Variants in SYT14 observed in about 807,000 individuals in gnomAD.
SYT14 encodes synaptotagmin-14.
Under a neutral mutation model 74.2 loss-of-function variants are expected in SYT14, and 32 were observed. The ratio of observed to expected loss-of-function variants is 0.43; its 90% CI spans 0.33 to 0.58. The LOEUF (loss-of-function observed/expected upper bound fraction) is 0.58. Among genes scored for constraint, SYT14 ranks in the 20% least tolerant of loss-of-function variants. The pLI is 0.05. For synonymous variants in SYT14, 298 were observed against 337.7 expected (o/e 0.88, Z 1.29); for missense variants, 791 against 981.8 (o/e 0.81, Z 2.60).
chr1:210,162,080 A>T (rs765648410), exon 10 of SYT14: 3 of 438,806 alleles, frequency 6.8e-6, no homozygotes, highest in South Asian at 4.8e-5. Context: ...TCTTACTTCA[A>T]TTTATATTTG....
chr1:210,153,003 A>G (rs1333211153), intron 7 of SYT14, among the ~76,000 whole-genome samples: 1 of 152,180 alleles, frequency 6.6e-6, no homozygotes, highest in Non-Finnish European at 1.5e-5. Context: ...ATAGTATGCC[A>G]TTGTATGAAC....
intron 4 of SYT14, among the ~76,000 whole-genome samples, chr1:210,020,286 C>T (rs1282558151): frequency 2.0e-5 from 3 of 152,088 alleles, no homozygotes; most frequent in African/African-American, 7.2e-5. Context: ...ACAAAGCTCA[C>T]TGATGGACAT....
In SYT14 at chr1:210,100,246, C is replaced by T; in HGVS notation, c.1819C>T (p.Gln607Ter). 1 of 1,614,062 alleles carries T rather than the reference C, an allele frequency of 6.2e-7. No individual in the cohort carries two copies. Among genetic ancestry groups the T allele is most frequent in the Non-Finnish European group, 8.5e-7 (1 of 1,179,988 alleles). The change falls in exon 7 of 10, where the codon CAG (glutamine) becomes TAG (stop). Residue 607 changes from glutamine to a stop codon, truncating the protein, a stop_gained. Coordinates refer to ENST00000637265, the Ensembl canonical transcript of SYT14. LOFTEE classifies it high-confidence loss of function. ...GAAACAGAGAGCAAAAACCAGCATC[C>T]AGAGAGGACCATGCCCTGTCTTCAC...
intron 7 of SYT14, among the ~76,000 whole-genome samples, chr1:210,107,852 G>A (rs2082187125): frequency 6.6e-6 from 1 of 150,758 alleles, no homozygotes; most frequent in Non-Finnish European, 1.5e-5. Flanking sequence ...TAGCAATTTA[G>A]GTTTAGGTTT....
In SYT14 at chr1:210,089,001, G is replaced by T. The variant is rs187538425; in HGVS notation, c.1313-5321G>T. Among the ~76,000 whole-genome samples the T allele has an allele frequency of 1.4e-3, 209 of 152,080 alleles. 4 individuals carry two copies. In the East Asian group the frequency reaches 0.035, roughly 25 times the overall value. ...ACCGTCAATCTATCATCTACATTAG[G>T]TATTTCTTCTAATGCTATCCCTCCC... On this transcript the variant is annotated intron_variant, in intron 5 of 9. Transcript: ENST00000637265.
intron 5 of SYT14, among the ~76,000 whole-genome samples, chr1:210,047,036 T>G (rs1298230959): frequency 6.6e-6 from 1 of 152,132 alleles, no homozygotes; most frequent in East Asian, 1.9e-4. Context: ...TGTTTTTAAT[T>G]CTATAATTAA....
chr1:210,098,472 C>G (rs2082005211), intron 6 of SYT14, among the ~76,000 whole-genome samples: 1 of 152,124 alleles, frequency 6.6e-6, no homozygotes, highest in South Asian at 2.1e-4. Context: ...GGGTATTGTC[C>G]TAGTCCACAT....
At chr1:210,160,038 A>G (rs1053888384) in intron 9 of SYT14, among the ~76,000 whole-genome samples, 1 of 152,234 alleles carries the variant, frequency 6.6e-6, no homozygotes, top group Non-Finnish European at 1.5e-5. Flanking sequence ...TATTTTAACT[A>G]TCCTGAAAGC....
intron 2 of SYT14, among the ~76,000 whole-genome samples, chr1:209,971,078 T>C (rs1357365334): frequency 1.3e-5 from 2 of 152,194 alleles, no homozygotes; most frequent in Non-Finnish European, 2.9e-5. Flanking sequence ...TGTTTGGTAG[T>C]TCCTCTTGAG....
At chr1:210,082,919 T>G (rs2102485705) in intron 5 of SYT14, among the ~76,000 whole-genome samples, 1 of 152,302 alleles carries the variant, frequency 6.6e-6, no homozygotes, top group Middle Eastern at 3.4e-3. Flanking sequence ...CTGAATAAGA[T>G]TGTACTGGTA....
intron 5 of SYT14, among the ~76,000 whole-genome samples, chr1:210,025,750 T>C (rs2080398267): frequency 6.6e-6 from 1 of 152,208 alleles, no homozygotes; most frequent in Non-Finnish European, 1.5e-5. Flanking sequence ...TCTGTTATGC[T>C]GTCATATTTA....
chr1:210,086,060 G>C (rs982426651), intron 5 of SYT14, among the ~76,000 whole-genome samples: 1 of 152,098 alleles, frequency 6.6e-6, no homozygotes, highest in Non-Finnish European at 1.5e-5. Context: ...TTCTGTAATA[G>C]ATAAAAGATT....
At chr1:210,092,511 TC>T (rs2081893566) in intron 5 of SYT14, among the ~76,000 whole-genome samples, 1 of 152,206 alleles carries the variant, frequency 6.6e-6, no homozygotes. Flanking sequence ...TGGAGTCAAG[TC>T]AGTCTGCCAG....
chr1:210,134,448 T>A (rs1258279658), intron 7 of SYT14, among the ~76,000 whole-genome samples: 2 of 152,166 alleles, frequency 1.3e-5, no homozygotes, highest in African/African-American at 4.8e-5. Flanking sequence ...CTTATTTATT[T>A]GAACATCTGT....
chr1:210,159,214 A>G (rs2083326957), intron 8 of SYT14, among the ~76,000 whole-genome samples: 1 of 152,176 alleles, frequency 6.6e-6, no homozygotes, highest in Non-Finnish European at 1.5e-5. Context: ...TTAAGATTAC[A>G]CAATAACCTT....
chr1:210,128,408 G>A (rs541665402), intron 7 of SYT14, among the ~76,000 whole-genome samples: 1 of 151,684 alleles, frequency 6.6e-6, no homozygotes, highest in South Asian at 2.1e-4. Flanking sequence ...TATATATGTA[G>A]CTCTTCACTA....
At chr1:210,040,623 C>G (rs2080768815) in intron 5 of SYT14, among the ~76,000 whole-genome samples, 1 of 152,030 alleles carries the variant, frequency 6.6e-6, no homozygotes, top group Admixed American at 6.6e-5. Flanking sequence ...TAGGATCAGA[C>G]TTTAAAATCT....
At chr1:210,106,786 AC>A (rs1370522688) in intron 7 of SYT14, among the ~76,000 whole-genome samples, 2 of 151,346 alleles carry the variant, frequency 1.3e-5, no homozygotes, top group Non-Finnish European at 3.0e-5. Flanking sequence ...GCCCTTGGCC[AC>A]CCCCGCAAAT....
intron 5 of SYT14, among the ~76,000 whole-genome samples, chr1:210,048,086 C>A (rs1039840810): frequency 2.0e-5 from 3 of 152,144 alleles, no homozygotes; most frequent in Admixed American, 2.0e-4. Context: ...ATATCCTGTT[C>A]CCCAATACCT....
Sources: gnomAD v4.1 joint callset for allele counts (sites outside exome capture counted in the v4.1 genomes callset) on GRCh38, gnomAD v4.1.1 for gene constraint, MANE v1.5 for transcripts, NCBI Gene and HGNC (gene_info 2026-07-23, HGNC 2026-07-21) for gene names.